Variants in LSS observed in about 807,000 individuals in gnomAD.
LSS encodes the protein lanosterol synthase.
In LSS, 90 loss-of-function variants were observed where a neutral mutation model predicts 110.3. That is an observed-to-expected ratio of 0.82 (90% CI 0.69 to 0.97). The LOEUF (loss-of-function observed/expected upper bound fraction) is 0.97. LSS is among the 50% of genes least tolerant of loss of function. LSS has a pLI of 0.00. For synonymous variants in LSS, 433 were observed against 400.0 expected (o/e 1.08, Z -0.98); for missense variants, 927 against 990.0 (o/e 0.94, Z 0.85).
chr21:46,202,558 G>T (rs1308473033), intron 17 of LSS, among the ~76,000 whole-genome samples: 1 of 152,070 alleles, frequency 6.6e-6, no homozygotes, highest in Non-Finnish European at 1.5e-5. Context: ...TACTTACTGT[G>T]CTTAAAAATG....
Position 46,228,481 on chromosome 21 carries a change from C to T in LSS, c.133G>A (p.Gly45Ser). 6.2e-7 allele frequency: 1 copy of T among 1,603,364 alleles called. No individual in the cohort carries two copies. The highest frequency in any genetic ancestry group is 8.5e-7 in the Non-Finnish European group (1 of 1,179,576). The stretch of plus-strand genomic sequence containing the variant: ...GCTTCCAGGCCGGTCTGCTCGCGGC[C>T]GGCGCGCTCGTCCTGCAGGTAGGTC... ...TWTYLQDERA[G>S]REQTGLEAYA... Residue 45 changes from glycine to serine, a missense_variant, in exon 2 of 22, where the codon GGC becomes AGC. By Grantham distance (56) the Gly-to-Ser change is moderately conservative. Transcript: ENST00000397728.
Position 46,215,310 on chromosome 21 carries a change from AG to A in LSS, c.893-13del. 6.4e-7 allele frequency: 1 copy of A among 1,570,484 alleles called. No individual in the cohort carries two copies. ...CAGGTTGAGGAGCGCTACAGGGGAC[AG>A]GGGTCAGTGGATGCCAGACACCATG... is the stretch of plus-strand genomic sequence containing the variant. On this transcript the variant is annotated splice_polypyrimidine_tract_variant and intron_variant, in intron 8 of 21. Transcript: ENST00000397728.
rs745556609 is a variant in LSS, at chr21:46,215,776, G to A, written c.801C>T (p.Asp267=). 15 of 1,611,762 alleles carry A rather than the reference G, an allele frequency of 9.3e-6. No homozygotes were observed. The highest frequency in any genetic ancestry group is 1.2e-5 in the Non-Finnish European group (14 of 1,178,682). Residue 267 remains aspartate (D), a synonymous_variant, in exon 8 of 22, where the codon GAC becomes GAT. Transcript: ENST00000397728. ...GCGCCAGCCAGTCAATGCTGGCGAAGTCCTCCACATAGAGCTCCTGGTGGG... is the reference window on the plus strand; with the variant it reads ...GCGCCAGCCAGTCAATGCTGGCGAAATCCTCCACATAGAGCTCCTGGTGGG... ...QSLRQELYVE[D]FASIDWLAQR...
intron 7 of LSS, 45 bp from the exon 8 acceptor site, chr21:46,215,838 T>G (rs878924985): frequency 7.5e-7 from 1 of 1,340,796 alleles, no homozygotes; most frequent in South Asian, 1.3e-5. Flanking sequence ...GAGCACCTGG[T>G]AGGCCTGGCT....
chr21:46,194,683 GAC>G, intron 19 of LSS, 22 bp from the exon 20 acceptor site: 1 of 1,605,846 alleles, frequency 6.2e-7, no homozygotes. Flanking sequence ...AGAGACAGGA[GAC>G]ACCATCACAC....
intron 3 of LSS, among the ~76,000 whole-genome samples, chr21:46,225,941 T>A (rs908527874): frequency 2.0e-5 from 3 of 152,168 alleles, no homozygotes; most frequent in South Asian, 4.1e-4. Flanking sequence ...TTTTCTTTCA[T>A]CTCTCTGTCT....
chr21:46,224,699 A>G (rs1601452151), intron 3 of LSS: 1 of 152,238 alleles, frequency 6.6e-6, no homozygotes, highest in South Asian at 2.1e-4. Context: ...AGGAGGTCAG[A>G]CCCGATTCAG....
intron 11 of LSS, among the ~76,000 whole-genome samples, chr21:46,212,400 AAC>A (rs1186080731): frequency 6.6e-6 from 1 of 152,244 alleles, no homozygotes; most frequent in East Asian, 1.9e-4. Context: ...GACACAGGGC[AAC>A]ACTGTCTGGG....
chr21:46,205,466 C>T (rs1374870427), intron 17 of LSS, among the ~76,000 whole-genome samples: 3 of 152,206 alleles, frequency 2.0e-5, no homozygotes, highest in African/African-American at 4.8e-5. Context: ...TGGCACTGTT[C>T]GCTTCCTGTT....
chr21:46,216,817 C>T lies in LSS; in HGVS notation c.648-293G>A, dbSNP rs538144271. Among the ~76,000 whole-genome samples the T allele has an allele frequency of 1.7e-4, 26 of 152,158 alleles. No homozygotes were observed. Among genetic ancestry groups the T allele is most frequent in the Non-Finnish European group, 3.5e-4 (24 of 68,012 alleles). On this transcript the variant is annotated intron_variant, in intron 6 of 21. Coordinates refer to ENST00000397728, the MANE Select transcript of LSS (RefSeq NM_002340.6). This position sits in a 1 kb window ranked among gnomAD's most constrained non-coding sequence, Gnocchi z 4.2. Reference sequence around the variant, plus strand: ...CCGTGGGTTTCTTAGCTACAACAAACGTACCTTGGTAACATAAAACATCAA... The same window carrying T: ...CCGTGGGTTTCTTAGCTACAACAAATGTACCTTGGTAACATAAAACATCAA...
intron 9 of LSS, 75 bp downstream of exon 9, chr21:46,215,105 G>T: frequency 7.9e-7 from 1 of 1,270,462 alleles, no homozygotes; most frequent in Non-Finnish European, 1.1e-6. Flanking sequence ...CCAGCTCACA[G>T]CCCGGCCTCT....
Position 46,194,585 on chromosome 21 carries a change from C to T in LSS, c.1894G>A (p.Asp632Asn), listed in dbSNP as rs1348673871. The change falls in exon 20 of 22, where the codon GAC (aspartate) becomes AAC (asparagine). Residue 632 changes from aspartate to asparagine, a missense_variant. By Grantham distance (23) the Asp-to-Asn change is conservative. Coordinates refer to ENST00000397728, the MANE Select transcript of LSS (RefSeq NM_002340.6). ...CGCCGCTCCTCGCAGGACTCAAAGTCCTCCCCCCAGCCTCCGTCTGCCATC... is the reference window on the plus strand; with the variant it reads ...CGCCGCTCCTCGCAGGACTCAAAGTTCTCCCCCCAGCCTCCGTCTGCCATC... ...RQMADGGWGEDFESCEERRYL... is the reference protein window; with the variant it reads ...RQMADGGWGENFESCEERRYL... 5 of 1,613,656 alleles carry T rather than the reference C, an allele frequency of 3.1e-6. No homozygotes were observed. The highest frequency in any genetic ancestry group is 4.2e-6 in the Non-Finnish European group (5 of 1,179,964).
Position 46,209,635 on chromosome 21 carries a change from ACAG to A in LSS, c.1195-13_1195-11del. On this transcript the variant is annotated splice_polypyrimidine_tract_variant and intron_variant, in intron 12 of 21. Transcript: ENST00000397728. This position sits in a 1 kb window ranked among gnomAD's most constrained non-coding sequence, Gnocchi z 4.4. ...TGTGGTGCCCGCCCGCCTGGAAGAG[ACAG>A]CAGGACAGAGAGGCTCAGCTGCCCT... 1.1e-5 allele frequency: 18 copies of A among 1,606,186 alleles called. No homozygotes were observed. The highest frequency in any genetic ancestry group is 1.4e-5 in the Non-Finnish European group (17 of 1,176,812).
intron 8 of LSS, 34 bp from the exon 9 acceptor site, chr21:46,215,332 C>A: frequency 7.0e-7 from 1 of 1,429,174 alleles, no homozygotes; most frequent in Non-Finnish European, 9.7e-7. Context: ...ATGCCAGACA[C>A]CATGACACTG....
chr21:46,199,278 T>C (rs1256844461), intron 17 of LSS, among the ~76,000 whole-genome samples: 1 of 152,250 alleles, frequency 6.6e-6, no homozygotes, highest in Non-Finnish European at 1.5e-5. Context: ...GACAAGATTT[T>C]AACATAATGT....
chr21:46,195,608 CA>C, intron 19 of LSS, 67 bp downstream of exon 19: 1 of 1,400,716 alleles, frequency 7.1e-7, no homozygotes, highest in Non-Finnish European at 1.0e-6. Flanking sequence ...AATGTCAAAG[CA>C]AAAAACACTC....
intron 16 of LSS, 52 bp from the exon 17 acceptor site, chr21:46,205,993 G>T: frequency 7.3e-7 from 1 of 1,362,558 alleles, no homozygotes; most frequent in Non-Finnish European, 1.0e-6. Flanking sequence ...GGCTGCCCAG[G>T]CTCTGCAGCT....
intron 5 of LSS, among the ~76,000 whole-genome samples, chr21:46,220,754 C>T (rs934994370): frequency 2.9e-5 from 4 of 136,168 alleles, no homozygotes; most frequent in African/African-American, 1.0e-4. Flanking sequence ...CCAGGCCGGG[C>T]ATGGAGAGGT....
Position 46,206,702 on chromosome 21 carries a change from G to T in LSS, c.1534C>A (p.Leu512Met), listed in dbSNP as rs113709086. The T allele has an allele frequency of 6.2e-7, 1 of 1,613,028 alleles. No individual in the cohort carries two copies. The highest frequency in any genetic ancestry group is 8.5e-7 in the Non-Finnish European group (1 of 1,179,984). Reference protein sequence around the residue: ...TYETKRGGHLLELLNPSEVFG... With the variant: ...TYETKRGGHLMELLNPSEVFG... The stretch of plus-strand genomic sequence containing the variant: ...ACCTCCGAGGGGTTCAGCAGCTCCA[G>T]CAAGTGCCCCCCACGCTTGGTCTCA... The change falls in exon 16 of 22, where the codon CTG (leucine) becomes ATG (methionine). Residue 512 changes from leucine to methionine, a missense_variant. Leu to Met is a conservative substitution (Grantham distance 15, BLOSUM62 2). Coordinates refer to ENST00000397728, the MANE Select transcript of LSS (RefSeq NM_002340.6).
Sources: allele counts gnomAD v4.1 joint callset (sites outside exome capture counted in the v4.1 genomes callset), GRCh38; gene constraint gnomAD v4.1.1; non-coding constraint Gnocchi (gnomAD v3.1); transcripts MANE v1.5; gene names NCBI Gene and HGNC (gene_info 2026-07-23, HGNC 2026-07-21).